ANO4: variants seen among roughly 807,000 people sequenced by gnomAD.
ANO4 encodes anoctamin 4, also known as anoctamin-4.
A neutral mutation model predicts 141.9 loss-of-function variants in ANO4; 69 were observed. That is an observed-to-expected ratio of 0.49 (90% CI 0.40 to 0.59). The LOEUF is 0.59. Among genes scored for constraint, ANO4 ranks in the 20% least tolerant of loss-of-function variants. The pLI, the probability that ANO4 is intolerant of heterozygous loss-of-function variation, is 0.00. For missense variants in ANO4, 894 were observed against 1,162.2 expected, an observed-to-expected ratio of 0.77 and a Z score of 3.36; for synonymous variants, 350 against 394.3, an observed-to-expected ratio of 0.89 and a Z score of 1.33.
chr12:101,002,631 A>G (rs1175526027), intron 8 of ANO4, among the ~76,000 whole-genome samples: 1 of 152,144 alleles, frequency 6.6e-6, no homozygotes, highest in African/African-American at 2.4e-5. Flanking sequence ...TTCCCTCAGT[A>G]ACGAGTTCAG....
intron 3 of ANO4, among the ~76,000 whole-genome samples, chr12:100,926,602 T>TTGTGTGTGTGTGTGTG (rs3059281): frequency 1.4e-4 from 20 of 147,504 alleles, no homozygotes; most frequent in African/African-American, 5.0e-4. Context: ...AAGGGTGTGT[T>TTGTGTGTGTGTGTGTG]TGTGTGTGTG....
At chr12:100,743,629 T>C (rs2031970578) in intron 3 of ANO4, among the ~76,000 whole-genome samples, 2 of 151,994 alleles carry the variant, frequency 1.3e-5, no homozygotes, top group African/African-American at 4.8e-5. Flanking sequence ...GCATGAAAGG[T>C]ATTTTAAAAA....
chr12:100,795,420 C>T (rs1289424115), intron 1 of ANO4, among the ~76,000 whole-genome samples: 1 of 152,172 alleles, frequency 6.6e-6, no homozygotes, highest in East Asian at 1.9e-4. Context: ...CGGGGGTGAC[C>T]TGCCCACATA....
chr12:100,807,067 A>C (rs2035101534), intron 1 of ANO4, among the ~76,000 whole-genome samples: 1 of 152,160 alleles, frequency 6.6e-6, no homozygotes, highest in African/African-American at 2.4e-5. Flanking sequence ...TTCCTTTTGT[A>C]TTTTTATGTA....
chr12:100,751,118 C>T (rs1048009974), intron 3 of ANO4, among the ~76,000 whole-genome samples: 5 of 152,098 alleles, frequency 3.3e-5, no homozygotes, highest in Admixed American at 1.3e-4. Context: ...CAAGCTGCCA[C>T]GAGGAATGAA....
At chr12:101,047,900 G>A in intron 13 of ANO4, 1 of 633,866 alleles carries the variant, frequency 1.6e-6, no homozygotes, top group Non-Finnish European at 2.0e-6. Context: ...GCTCAAAACT[G>A]CATAAACAAA....
chr12:101,119,674 A>C (rs970842852), intron 25 of ANO4, among the ~76,000 whole-genome samples: 2 of 152,188 alleles, frequency 1.3e-5, no homozygotes, highest in South Asian at 4.1e-4. Context: ...TTCAAAAACA[A>C]ACTAAATAGT....
intron 1 of ANO4, among the ~76,000 whole-genome samples, chr12:100,854,327 CT>C (rs1337039569): frequency 6.6e-6 from 1 of 151,996 alleles, no homozygotes; most frequent in Non-Finnish European, 1.5e-5. Context: ...TAGCTGTTTC[CT>C]CTTTTCTTTG....
intron 3 of ANO4, among the ~76,000 whole-genome samples, chr12:100,772,531 A>G (rs1162895578): frequency 1.3e-5 from 2 of 151,982 alleles, no homozygotes; most frequent in Non-Finnish European, 2.9e-5. Flanking sequence ...GAAAACCTCA[A>G]CCCTGGGATG....
chr12:100,990,520 G>A (rs2045044946), intron 8 of ANO4, among the ~76,000 whole-genome samples: 2 of 152,274 alleles, frequency 1.3e-5, no homozygotes, highest in South Asian at 2.1e-4. Flanking sequence ...CTTTTGACAT[G>A]CTTTGGTATT....
intron 3 of ANO4, among the ~76,000 whole-genome samples, chr12:100,782,434 C>G (rs2033740893): frequency 6.6e-6 from 1 of 152,142 alleles, no homozygotes; most frequent in African/African-American, 2.4e-5. Context: ...CTAGTCTGCT[C>G]TCATTATTTT....
At chr12:101,099,784 A>G in intron 22 of ANO4, 64 bp downstream of exon 22, 1 of 1,341,570 alleles carries the variant, frequency 7.5e-7, no homozygotes, top group South Asian at 1.7e-5. Flanking sequence ...ATATTCAACT[A>G]AACATATACC....
intron 1 of ANO4, chr12:100,842,066 C>G (rs868635348): frequency 3.9e-5 from 4 of 101,294 alleles, no homozygotes; most frequent in East Asian, 4.5e-4. Context: ...TATCCACCCC[C>G]CCCCCCCCCC....
At chr12:100,807,888 C>T (rs2035157827) in intron 1 of ANO4, among the ~76,000 whole-genome samples, 1 of 152,180 alleles carries the variant, frequency 6.6e-6, no homozygotes, top group South Asian at 2.1e-4. Context: ...CTGCAAAGGA[C>T]ATGATCTTGT....
intron 5 of ANO4, among the ~76,000 whole-genome samples, chr12:100,970,159 C>T (rs1190899176): frequency 6.6e-6 from 1 of 152,170 alleles, no homozygotes; most frequent in African/African-American, 2.4e-5. Flanking sequence ...TCTTTTGGCT[C>T]CCTTCATCTC....
chr12:100,718,027 A>G (rs2030693142), intron 1 of ANO4, among the ~76,000 whole-genome samples: 1 of 152,250 alleles, frequency 6.6e-6, no homozygotes, highest in Non-Finnish European at 1.5e-5. Flanking sequence ...AGTTAAAATA[A>G]TATGCACTGT....
intron 9 of ANO4, among the ~76,000 whole-genome samples, chr12:101,034,510 G>A (rs1370334505): frequency 6.6e-6 from 1 of 152,060 alleles, no homozygotes; most frequent in Non-Finnish European, 1.5e-5. Flanking sequence ...TGAGGGGATG[G>A]AAGTTAGAGG....
At chr12:100,932,039 A>G (rs1267402441) in intron 3 of ANO4, among the ~76,000 whole-genome samples, 3 of 150,190 alleles carry the variant, frequency 2.0e-5, no homozygotes, top group East Asian at 3.9e-4. Context: ...TAATCCCTTG[A>G]GAATTCTGAG....
intron 1 of ANO4, among the ~76,000 whole-genome samples, chr12:100,898,876 C>T (rs1306061479): frequency 2.0e-5 from 3 of 152,196 alleles, no homozygotes; most frequent in Admixed American, 6.5e-5. Context: ...TCTCCCCTTC[C>T]CTTCATCTGT....
Sources: allele counts gnomAD v4.1 joint callset (sites outside exome capture counted in the v4.1 genomes callset), GRCh38; gene constraint gnomAD v4.1.1; transcripts MANE v1.5; gene names NCBI Gene and HGNC (gene_info 2026-07-23, HGNC 2026-07-21).